The following STK24 variants were observed in gnomAD, a reference collection of about 807,000 sequenced individuals.
The protein encoded by STK24 is serine/threonine-protein kinase 24.
Under a neutral mutation model 55.6 loss-of-function variants are expected in STK24, and 21 were observed. That is an observed-to-expected ratio of 0.38 (90% confidence interval 0.27 to 0.54). STK24 has a LOEUF of 0.54. STK24 is among the 20% of genes least tolerant of loss of function. The pLI is 0.79. For missense variants in STK24, 383 were observed against 538.4 expected (o/e 0.71, Z 2.86); for synonymous variants, 200 against 215.2 (o/e 0.93, Z 0.62).
chr13:98,537,680 T>C (rs185993309), intron 1 of STK24, among the ~76,000 whole-genome samples: 80 of 152,100 alleles, frequency 5.3e-4, no homozygotes, highest in Admixed American at 7.9e-4. Context: ...CAAGAGGAGG[T>C]GGCGATCTTT....
Position 98,463,721 on chromosome 13 carries a change from T to C in STK24, c.899A>G (p.His300Arg). The change falls in exon 7 of 11, where the codon CAT (histidine) becomes CGT (arginine). Residue 300 changes from histidine to arginine, a missense_variant. By Grantham distance (29) the His-to-Arg change is conservative (BLOSUM62 0). Transcript: ENST00000539966. ...RYKRWKAEQS[H>R]DDSSSEDSDA... is the part of the protein sequence containing the mutation. ...GGAATCCTCGGAGCTCGAGTCGTCA[T>C]GGCTCTGCTCGGCCTTCCATCTCTT... 1.2e-6 allele frequency: 2 copies of C among 1,614,192 alleles called. No homozygotes were observed. The highest frequency in any genetic ancestry group is 1.7e-6 in the Non-Finnish European group (2 of 1,180,008).
intron 1 of STK24, among the ~76,000 whole-genome samples, chr13:98,543,444 G>T (rs77394342): frequency 0.01 from 1,591 of 152,256 alleles, 26 homozygotes; most frequent in African/African-American, 0.036. Context: ...CTCTCAGAGT[G>T]GGGCCTCAGT....
intron 2 of STK24, among the ~76,000 whole-genome samples, chr13:98,493,633 CTAA>C (rs1895125464): frequency 6.6e-6 from 1 of 151,978 alleles, no homozygotes; most frequent in African/African-American, 2.4e-5. Flanking sequence ...TGGAGTATTT[CTAA>C]TAATTACAAT....
intron 2 of STK24, among the ~76,000 whole-genome samples, chr13:98,494,134 G>A (rs78463796): frequency 3.4e-5 from 5 of 145,976 alleles, no homozygotes; most frequent in African/African-American, 5.0e-5. Flanking sequence ...TGCCTCGGCC[G>A]GGCACGGTGG....
chr13:98,563,437 G>A lies in STK24; in HGVS notation c.42+13308C>T, dbSNP rs187875193. ...TGAATGACACAAGTTGTTTTAGAAA[G>A]ACTTCAGATTCTTCGATAACAAAGG... On this transcript the variant is annotated intron_variant, in intron 1 of 10. Coordinates refer to ENST00000539966, the MANE Select transcript of STK24 (RefSeq NM_001032296.4). Among the ~76,000 whole-genome samples the A allele has an allele frequency of 3.8e-3, 584 of 152,276 alleles. 4 individuals carry two copies. Among genetic ancestry groups the A allele is most frequent in the Middle Eastern group, 0.01 (3 of 294 alleles).
rs1367341371 is a variant in STK24 at position 98,575,817 on chromosome 13, G to A, written c.42+928C>T. ...CTAAGCATTTTGCCACCATTTCTGC[G>A]CCTACAAAGTTTACAAGAGTTAGCC... is the stretch of plus-strand genomic sequence containing the variant. On this transcript the variant is annotated intron_variant, in intron 1 of 10. Coordinates refer to ENST00000539966, the MANE Select transcript of STK24 (RefSeq NM_001032296.4). 2.0e-5 allele frequency among the ~76,000 whole-genome samples: 3 copies of A among 152,010 alleles called. No individual in the cohort carries two copies. The East Asian group carries it at 5.8e-4, about 29-fold the overall frequency.
At chr13:98,463,632 GACAAAGACC>G in intron 7 of STK24, 50 bp downstream of exon 7, 1 of 1,520,890 alleles carries the variant, frequency 6.6e-7, no homozygotes, top group Non-Finnish European at 8.8e-7. Context: ...ACCAAACAGT[GACAAAGACC>G]AGCGGATCCC....
At position 98,576,799 on chromosome 13, in the gene STK24, G is replaced by C. The variant is rs763546879; in HGVS notation, c.-13C>G. 6 of 1,389,616 alleles carry C rather than the reference G, an allele frequency of 4.3e-6. No homozygotes were observed. Among genetic ancestry groups the C allele is most frequent in the Admixed American group, 2.7e-5 (1 of 36,496 alleles). 86.1% of individuals were successfully genotyped at this position (1,389,616 alleles called of 1,614,324 possible). The stretch of plus-strand genomic sequence containing the variant: ...GGGAGTGAGCCATGGCGCTCAGGAC[G>C]GCCACTTCCTGGGACGGGACGGCCG... On this transcript the variant is annotated 5_prime_UTR_variant, in exon 1 of 11. Coordinates refer to ENST00000539966, the MANE Select transcript of STK24 (RefSeq NM_001032296.4).
At chr13:98,476,023 T>C (rs1894359059) in intron 3 of STK24, among the ~76,000 whole-genome samples, 1 of 150,322 alleles carries the variant, frequency 6.7e-6, no homozygotes, top group Non-Finnish European at 1.5e-5. Flanking sequence ...TGTTATATAA[T>C]AGATATTATA....
In STK24 at chr13:98,474,923, C is replaced by T; in HGVS notation, c.495G>A (p.Val165=). The T allele has an allele frequency of 6.2e-7, 1 of 1,614,124 alleles. No individual in the cohort carries two copies. The highest frequency in any genetic ancestry group is 8.5e-7 in the Non-Finnish European group (1 of 1,180,012). The part of the protein sequence containing the change: ...HGEVKLADFG[V]AGQLTDTQIK... ...TCTGGGTGTCTGTCAGCTGGCCAGC[C>T]ACGCCAAAGTCCGCCAGCTTCACCT... Residue 165 remains valine, a synonymous_variant, in exon 5 of 11, where the codon GTG becomes GTA. Coordinates refer to ENST00000539966, the MANE Select transcript of STK24 (RefSeq NM_001032296.4).
chr13:98,557,850 T>C (rs1356564359), intron 1 of STK24, among the ~76,000 whole-genome samples: 2 of 152,226 alleles, frequency 1.3e-5, no homozygotes, highest in South Asian at 2.1e-4. Flanking sequence ...TTGGATTCCT[T>C]GTATTTTTCC....
intron 1 of STK24, among the ~76,000 whole-genome samples, chr13:98,564,330 A>G (rs1353128960): frequency 1.3e-5 from 2 of 152,224 alleles, no homozygotes; most frequent in East Asian, 3.8e-4. Flanking sequence ...TGGAGCTAAG[A>G]GGAGCTGGAC....
Position 98,547,508 on chromosome 13 carries a change from G to A in STK24, c.43-28035C>T, listed in dbSNP as rs1031319928. ...GGCTATAGTTAGCCATTACCACATC[G>A]CTGCACTCCAGCCTAAGCGACAGAA... On this transcript the variant is annotated intron_variant, in intron 1 of 10. Coordinates refer to ENST00000539966, the MANE Select transcript of STK24 (RefSeq NM_001032296.4). Among the ~76,000 whole-genome samples, 9 of 152,126 alleles carry A rather than the reference G, an allele frequency of 5.9e-5. No homozygotes were observed. The South Asian group carries it at 6.2e-4, about 11-fold the overall frequency.
At chr13:98,518,578 T>C (rs1161552734) in intron 2 of STK24, among the ~76,000 whole-genome samples, 3 of 152,234 alleles carry the variant, frequency 2.0e-5, no homozygotes, top group African/African-American at 7.2e-5. Flanking sequence ...AGAACGGTCA[T>C]AAGCCTTCTT....
At chr13:98,507,913 C>G (rs1895751913) in intron 2 of STK24, among the ~76,000 whole-genome samples, 1 of 152,198 alleles carries the variant, frequency 6.6e-6, no homozygotes, top group African/African-American at 2.4e-5. Context: ...CCTAAAACCT[C>G]TATTCCACCA....
chr13:98,510,062 C>T (rs1895829985), intron 2 of STK24, among the ~76,000 whole-genome samples: 1 of 152,176 alleles, frequency 6.6e-6, no homozygotes, highest in South Asian at 2.1e-4. Context: ...TATGTTTGAA[C>T]TTGCTTCCTG....
At chr13:98,491,141 G>T (rs775229998) in intron 2 of STK24, among the ~76,000 whole-genome samples, 3 of 152,056 alleles carry the variant, frequency 2.0e-5, no homozygotes, top group Non-Finnish European at 4.4e-5. Context: ...GTGAGCTGGG[G>T]GTACAGCTAG....
Position 98,457,269 on chromosome 13 carries a change from C to T in STK24, c.1158G>A (p.Leu386=). 6 of 1,613,982 alleles carry T rather than the reference C, an allele frequency of 3.7e-6. No individual in the cohort carries two copies. The highest frequency in any genetic ancestry group is 5.1e-6 in the Non-Finnish European group (6 of 1,180,042). The change falls in exon 10 of 11, where the codon TTG becomes TTA. Residue 386 remains leucine (L), a synonymous_variant. Coordinates refer to ENST00000539966, the MANE Select transcript of STK24 (RefSeq NM_001032296.4). ...KEKSQACGGN[L]GSIEELRGAI... is the part of the protein sequence containing the mutation. ...CCCCTCGCAGCTCTTCAATGGACCC[C>T]AAGTTCCCTCCGCACGCCTGGCTCT...
chr13:98,547,289 T>C (rs1897052739), intron 1 of STK24, among the ~76,000 whole-genome samples: 1 of 152,132 alleles, frequency 6.6e-6, no homozygotes, highest in Non-Finnish European at 1.5e-5. Context: ...CTCACACCTG[T>C]CAACCTAAGC....
Sources: gnomAD v4.1 joint callset for allele counts (sites outside exome capture counted in the v4.1 genomes callset) on GRCh38, gnomAD v4.1.1 for gene constraint, MANE v1.5 for transcripts, NCBI Gene and HGNC (gene_info 2026-07-23, HGNC 2026-07-21) for gene names.